The following RFTN1 variants were observed in gnomAD, a reference collection of about 807,000 sequenced individuals.
RFTN1 encodes raftlin.
Under a neutral mutation model 46.5 loss-of-function variants are expected in RFTN1, and 26 were observed. The observed-to-expected ratio is 0.56, with a 90% confidence interval of 0.41 to 0.78. The LOEUF (loss-of-function observed/expected upper bound fraction) is 0.78, where lower values mean the gene tolerates loss of function less well. Ranked by LOEUF, RFTN1 falls within the 30% of genes least tolerant of loss-of-function variation. The pLI is 0.00. For synonymous variants in RFTN1, 261 were observed against 284.2 expected (o/e 0.92, Z 0.82); for missense variants, 693 against 718.7 (o/e 0.96, Z 0.41).
At chr3:16,444,781 C>T (rs1313746696) in intron 2 of RFTN1, among the ~76,000 whole-genome samples, 1 of 152,232 alleles carries the variant, frequency 6.6e-6, no homozygotes, top group African/African-American at 2.4e-5. Flanking sequence ...GTGCTCCTTA[C>T]GAGTTTCACT....
Position 16,481,832 on chromosome 3 carries a change from C to T in RFTN1, c.145+11893G>A, listed in dbSNP as rs967215605. Reference sequence around the variant, plus strand: ...TCTAGGAAAGAAAAATGTTTCCCTACCCTACCGCATATACTATTTTCAGCA... The same window carrying T: ...TCTAGGAAAGAAAAATGTTTCCCTATCCTACCGCATATACTATTTTCAGCA... On this transcript the variant is annotated intron_variant, in intron 2 of 9. Transcript: ENST00000334133. The surrounding 1 kb of genome is among the most constrained non-coding windows in gnomAD (Gnocchi z 5.1). 5.9e-5 allele frequency among the ~76,000 whole-genome samples: 9 copies of T among 152,176 alleles called. No individual in the cohort carries two copies. The highest frequency in any genetic ancestry group is 1.3e-4 in the Non-Finnish European group (9 of 68,036).
rs2071359441 is a variant in RFTN1, at chr3:16,342,170, A to G, written c.1147-15294T>C. 6.6e-6 allele frequency among the ~76,000 whole-genome samples: 1 copy of G among 151,892 alleles called. No individual in the cohort carries two copies. The highest frequency in any genetic ancestry group is 2.1e-4 in the South Asian group (1 of 4,808). Reference sequence around the variant, plus strand: ...ACCACTTTCATCACCCCCCACACCAATACCCTGTACCTATTAGCAGTCACT... The same window carrying G: ...ACCACTTTCATCACCCCCCACACCAGTACCCTGTACCTATTAGCAGTCACT... On this transcript the variant is annotated intron_variant, in intron 7 of 9. Transcript: ENST00000334133. This position sits in a 1 kb window ranked among gnomAD's most constrained non-coding sequence, Gnocchi z 4.0.
At position 16,322,261 on chromosome 3, in the gene RFTN1, C is replaced by T. The variant is rs1405629227; in HGVS notation, c.1332+1115G>A. ...ACACCTTCAGAGCCTGGAGAAAGAC[C>T]TTCCTCCACACTCCAGCCCATCTGG... On this transcript the variant is annotated intron_variant, in intron 9 of 9. Transcript: ENST00000334133. The surrounding 1 kb of genome is among the most constrained non-coding windows in gnomAD (Gnocchi z 6.2). Among the ~76,000 whole-genome samples, 5 of 152,220 alleles carry T rather than the reference C, an allele frequency of 3.3e-5. No individual in the cohort carries two copies. The East Asian group carries it at 9.6e-4, about 29-fold the overall frequency.
At position 16,389,043 on chromosome 3, in the gene RFTN1, G is replaced by A. The variant is rs189200664; in HGVS notation, c.442-10941C>T. Among the ~76,000 whole-genome samples the A allele has an allele frequency of 3.3e-5, 5 of 152,334 alleles. No individual in the cohort carries two copies. The East Asian group carries it at 9.6e-4, about 29-fold the overall frequency. ...ATAAGTTTAAAGAATTTAACCAGGAGCAGATGTTTCTCTTCACACCACACT... is the reference window on the plus strand; with the variant it reads ...ATAAGTTTAAAGAATTTAACCAGGAACAGATGTTTCTCTTCACACCACACT... On this transcript the variant is annotated intron_variant, in intron 4 of 9. Coordinates refer to ENST00000334133, the MANE Select transcript of RFTN1 (RefSeq NM_015150.2).
chr3:16,351,869 CTAGA>C lies in RFTN1; in HGVS notation c.1146+6059_1146+6062del, dbSNP rs781125041. Among the ~76,000 whole-genome samples, 14 of 151,320 alleles carry C rather than the reference CTAGA, an allele frequency of 9.3e-5. No individual in the cohort carries two copies. Among genetic ancestry groups the C allele is most frequent in the Non-Finnish European group, 2.9e-5 (2 of 67,950 alleles). On this transcript the variant is annotated intron_variant, in intron 7 of 9. Coordinates refer to ENST00000334133, the MANE Select transcript of RFTN1 (RefSeq NM_015150.2). The surrounding 1 kb of genome is among the most constrained non-coding windows in gnomAD (Gnocchi z 5.4). Reference sequence around the variant, plus strand: ...ATTAGGGGTGTGTTGGGTGAGGGGACTAGAAAGACTAGAAAAAAAAATCATGAAA... The same window carrying C: ...ATTAGGGGTGTGTTGGGTGAGGGGACAAGACTAGAAAAAAAAATCATGAAA...
At chr3:16,371,274 G>A (rs114254243) in intron 5 of RFTN1, among the ~76,000 whole-genome samples, 484 of 152,288 alleles carry the variant, frequency 3.2e-3, no homozygotes, top group African/African-American at 0.011. Flanking sequence ...GCACATTCAT[G>A]CTCCCTGCAT....
chr3:16,415,428 T>TAC (rs1198664714), intron 3 of RFTN1, among the ~76,000 whole-genome samples: 23 of 89,884 alleles, frequency 2.6e-4, no homozygotes, highest in African/African-American at 6.5e-4. Context: ...TATATATATA[T>TAC]ATACACACAC....
intron 2 of RFTN1, among the ~76,000 whole-genome samples, chr3:16,493,512 C>T (rs1017445285): frequency 6.6e-6 from 1 of 152,150 alleles, no homozygotes; most frequent in Non-Finnish European, 1.5e-5. Context: ...GGATTACAGG[C>T]GTGAACCACT....
chr3:16,371,991 T>C (rs531873673), intron 5 of RFTN1, among the ~76,000 whole-genome samples: 176 of 152,150 alleles, frequency 1.2e-3, no homozygotes, highest in African/African-American at 3.8e-3. Flanking sequence ...AACTAGATGA[T>C]TGGGTGTTTT....
chr3:16,401,200 G>C (rs1418828051), intron 4 of RFTN1, among the ~76,000 whole-genome samples: 2 of 152,060 alleles, frequency 1.3e-5, no homozygotes, highest in African/African-American at 4.8e-5. Flanking sequence ...GCTCGCGCCT[G>C]TAATCCCAGC....
At chr3:16,398,315 G>T (rs2074524245) in intron 4 of RFTN1, among the ~76,000 whole-genome samples, 1 of 150,464 alleles carries the variant, frequency 6.6e-6, no homozygotes, top group Non-Finnish European at 1.5e-5. Flanking sequence ...TACAACGTGT[G>T]TGCCTCTGAA....
Position 16,449,295 on chromosome 3 carries a change from G to A in RFTN1, c.146-15258C>T, listed in dbSNP as rs755570969. Among the ~76,000 whole-genome samples, 2 of 152,170 alleles carry A rather than the reference G, an allele frequency of 1.3e-5. No individual in the cohort carries two copies. Among genetic ancestry groups the A allele is most frequent in the African/African-American group, 4.8e-5 (2 of 41,428 alleles). On this transcript the variant is annotated intron_variant, in intron 2 of 9. Coordinates refer to ENST00000334133, the MANE Select transcript of RFTN1 (RefSeq NM_015150.2). The surrounding 1 kb of genome is among the most constrained non-coding windows in gnomAD (Gnocchi z 5.1). ...TGATTATTCATCAAATCTGGCTCAG[G>A]CAGATGGGTGGTGTATTGGCTCCAG...
At chr3:16,355,726 G>A (rs565194031) in intron 7 of RFTN1, among the ~76,000 whole-genome samples, 22 of 152,306 alleles carry the variant, frequency 1.4e-4, no homozygotes, top group Admixed American at 7.8e-4. Flanking sequence ...CCCCACCCCC[G>A]GAGGGTTCAG....
At position 16,459,078 on chromosome 3, in the gene RFTN1, G is replaced by T. The variant is rs1160901526; in HGVS notation, c.146-25041C>A. ...GCCTCCCGAGTAGCTGGGACCACAG[G>T]TGTGCACCATGCCCAGCTAATTTTT... On this transcript the variant is annotated intron_variant, in intron 2 of 9. Transcript: ENST00000334133. This position sits in a 1 kb window ranked among gnomAD's most constrained non-coding sequence, Gnocchi z 4.2. Among the ~76,000 whole-genome samples the T allele has an allele frequency of 2.0e-5, 3 of 152,054 alleles. No homozygotes were observed. The highest frequency in any genetic ancestry group is 4.4e-5 in the Non-Finnish European group (3 of 68,012).
intron 1 of RFTN1, among the ~76,000 whole-genome samples, chr3:16,495,990 G>A (rs1385078966): frequency 2.6e-5 from 4 of 152,170 alleles, no homozygotes; most frequent in African/African-American, 4.8e-5. Flanking sequence ...TCTTAAAGAG[G>A]ACACAAAAAG....
rs34705903 is a variant in RFTN1 at position 16,426,660 on chromosome 3, C to CGTGTGT, written c.332+7185_332+7190dup. 0.24 allele frequency among the ~76,000 whole-genome samples: 34,394 copies of CGTGTGT among 141,860 alleles called. 4,423 individuals are homozygous for CGTGTGT. Among genetic ancestry groups the CGTGTGT allele is most frequent in the Middle Eastern group, 0.39 (114 of 290 alleles). 93.1% of individuals were successfully genotyped at this position (141,860 alleles called of 152,430 possible). ...ACTGTTATTTTGGCAATGAAAGGAT[C>CGTGTGT]GTGTGTGTGTGTGTGTGTGTGTGTG... On this transcript the variant is annotated intron_variant, in intron 3 of 9. Transcript: ENST00000334133. The surrounding 1 kb of genome is among the most constrained non-coding windows in gnomAD (Gnocchi z 5.9).
chr3:16,399,173 G>C (rs1331231562), intron 4 of RFTN1, among the ~76,000 whole-genome samples: 1 of 151,972 alleles, frequency 6.6e-6, no homozygotes, highest in Non-Finnish European at 1.5e-5. Flanking sequence ...TCCCTGGTCA[G>C]ATATTAAAAC....
rs1489806512 is a variant in RFTN1 at position 16,335,916 on chromosome 3, C to A, written c.1147-9040G>T. Among the ~76,000 whole-genome samples, 1 of 152,170 alleles carries A rather than the reference C, an allele frequency of 6.6e-6. No homozygotes were observed. Among genetic ancestry groups the A allele is most frequent in the Non-Finnish European group, 1.5e-5 (1 of 68,028 alleles). ...CAGGACTCCGCAGGAGGGAAGTGGCCGACAGCAAGGACTGGTGGCAGCTGC... is the reference window on the plus strand; with the variant it reads ...CAGGACTCCGCAGGAGGGAAGTGGCAGACAGCAAGGACTGGTGGCAGCTGC... On this transcript the variant is annotated intron_variant, in intron 7 of 9. Coordinates refer to ENST00000334133, the MANE Select transcript of RFTN1 (RefSeq NM_015150.2). The surrounding 1 kb of genome is among the most constrained non-coding windows in gnomAD (Gnocchi z 4.7).
At position 16,428,269 on chromosome 3, in the gene RFTN1, G is replaced by A. The variant is rs1034339158; in HGVS notation, c.332+5582C>T. ...GCCAATTCCCACAAATGCTTCCCTA[G>A]GTGCAAAAATTTCACCATCCTAGGT... On this transcript the variant is annotated intron_variant, in intron 3 of 9. Transcript: ENST00000334133. The surrounding 1 kb of genome is among the most constrained non-coding windows in gnomAD (Gnocchi z 4.7). Among the ~76,000 whole-genome samples the A allele has an allele frequency of 1.3e-5, 2 of 152,066 alleles. No individual in the cohort carries two copies. The highest frequency in any genetic ancestry group is 2.9e-5 in the Non-Finnish European group (2 of 68,016).
Sources: allele counts gnomAD v4.1 joint callset (sites outside exome capture counted in the v4.1 genomes callset), GRCh38; gene constraint gnomAD v4.1.1; non-coding constraint Gnocchi (gnomAD v3.1); transcripts MANE v1.5; gene names NCBI Gene and HGNC (gene_info 2026-07-23, HGNC 2026-07-21).